Variants in CSMD1 observed in about 807,000 individuals in gnomAD.
CSMD1 encodes CUB and sushi domain-containing protein 1.
Under a neutral mutation model 417.5 loss-of-function variants are expected in CSMD1, and 213 were observed. That is an observed-to-expected ratio of 0.51 (90% CI 0.46 to 0.57). The LOEUF (loss-of-function observed/expected upper bound fraction) is 0.57, where lower values mean the gene tolerates loss of function less well. Among genes scored for constraint, CSMD1 ranks in the 20% least tolerant of loss-of-function variants. CSMD1 has a pLI of 0.00. For missense variants in CSMD1, 6,923 were observed against 4,529.7 expected, an observed-to-expected ratio of 1.53 and a Z score of -15.17; for synonymous variants, 2,862 against 1,736.8, an observed-to-expected ratio of 1.65 and a Z score of -16.11.
At chr8:4,986,646 T>C (rs1375655576) in intron 1 of CSMD1, among the ~76,000 whole-genome samples, 2 of 152,096 alleles carry the variant, frequency 1.3e-5, no homozygotes, top group Non-Finnish European at 2.9e-5. Context: ...AAGAGCATAA[T>C]TATCCCCTGA....
intron 3 of CSMD1, among the ~76,000 whole-genome samples, chr8:4,288,644 G>C (rs1194301094): frequency 1.3e-5 from 2 of 152,152 alleles, no homozygotes; most frequent in South Asian, 2.1e-4. Context: ...CACCAACTCT[G>C]CCGCCCTCCC....
At chr8:4,281,282 T>C (rs999494319) in intron 3 of CSMD1, among the ~76,000 whole-genome samples, 4 of 152,092 alleles carry the variant, frequency 2.6e-5, no homozygotes, top group Non-Finnish European at 4.4e-5. Flanking sequence ...TATGGGAAAA[T>C]AGAAGGTAGA....
intron 2 of CSMD1, among the ~76,000 whole-genome samples, chr8:4,435,504 A>G (rs1798100002): frequency 6.6e-6 from 1 of 152,342 alleles, no homozygotes; most frequent in African/African-American, 2.4e-5. Flanking sequence ...TGATTTGTCC[A>G]GGAAAACTGA....
rs1802369162 is a variant in CSMD1 at position 3,277,291 on chromosome 8, C to G, written c.4153+6853G>C. On this transcript the variant is annotated intron_variant, in intron 26 of 69. Coordinates refer to ENST00000635120, the MANE Select transcript of CSMD1 (RefSeq NM_033225.6). ...TGAGAAGATAGGGGAGAGTTCTAAG[C>G]AGAAGTGAGGCGTTGCCCACGTTGC... Among the ~76,000 whole-genome samples, 3 of 152,178 alleles carry G rather than the reference C, an allele frequency of 2.0e-5. No individual in the cohort carries two copies. The South Asian group carries it at 6.2e-4, about 32-fold the overall frequency.
At chr8:4,436,744 G>C (rs539730174) in intron 2 of CSMD1, among the ~76,000 whole-genome samples, 3 of 152,060 alleles carry the variant, frequency 2.0e-5, no homozygotes, top group East Asian at 1.9e-4. Flanking sequence ...TTGATTTTTA[G>C]ATCCCACAAA....
chr8:3,697,832 T>A (rs911349991), intron 7 of CSMD1, among the ~76,000 whole-genome samples: 5 of 152,196 alleles, frequency 3.3e-5, no homozygotes, highest in African/African-American at 1.2e-4. Flanking sequence ...TCTGCCATCA[T>A]CTCCAGGTTG....
intron 5 of CSMD1, among the ~76,000 whole-genome samples, chr8:3,772,898 T>A (rs1256939324): frequency 6.6e-6 from 1 of 151,942 alleles, no homozygotes; most frequent in Non-Finnish European, 1.5e-5. Context: ...ATATCACAGA[T>A]GAGGGCTGAT....
chr8:4,284,078 C>A (rs907708611), intron 3 of CSMD1, among the ~76,000 whole-genome samples: 2 of 151,820 alleles, frequency 1.3e-5, no homozygotes, highest in African/African-American at 2.4e-5. Flanking sequence ...ACTAAAAATA[C>A]AAAAATTAGC....
At chr8:4,074,419 T>C (rs1799716397) in intron 3 of CSMD1, among the ~76,000 whole-genome samples, 1 of 152,106 alleles carries the variant, frequency 6.6e-6, no homozygotes, top group Non-Finnish European at 1.5e-5. Flanking sequence ...TATATTTAAG[T>C]TTTTTGTACA....
chr8:4,445,560 T>C (rs1488559038), intron 2 of CSMD1, among the ~76,000 whole-genome samples: 1 of 152,180 alleles, frequency 6.6e-6, no homozygotes, highest in Non-Finnish European at 1.5e-5. Context: ...AAAAATGGCT[T>C]CAATGAATTG....
intron 5 of CSMD1, among the ~76,000 whole-genome samples, chr8:3,914,652 G>C (rs1563205942): frequency 6.6e-6 from 1 of 152,076 alleles, no homozygotes; most frequent in Non-Finnish European, 1.5e-5. Flanking sequence ...TCTCCACCTA[G>C]TCCACGTTAG....
In CSMD1 at chr8:4,203,108, C is replaced by T. The variant is rs184542659; in HGVS notation, c.416-171009G>A. On this transcript the variant is annotated intron_variant, in intron 3 of 69. Transcript: ENST00000635120. ...ACTTGCAGTTATCTGTGTGGGTTCC[C>T]TGTTGTCATAACATTTCTTAAAAGC... is the stretch of plus-strand genomic sequence containing the variant. 2.0e-5 allele frequency among the ~76,000 whole-genome samples: 3 copies of T among 152,294 alleles called. No individual in the cohort carries two copies. The East Asian group carries it at 5.8e-4, about 29-fold the overall frequency.
At position 4,673,493 on chromosome 8, in the gene CSMD1, C is replaced by A. The variant is rs564929909; in HGVS notation, c.86-35935G>T. On this transcript the variant is annotated intron_variant, in intron 1 of 69. Coordinates refer to ENST00000635120, the MANE Select transcript of CSMD1 (RefSeq NM_033225.6). ...TATCTAAAACCTCAGGAAATGATTG[C>A]TATGTGTTTTGTTGGAAGAGTTTCC... is the stretch of plus-strand genomic sequence containing the variant. Among the ~76,000 whole-genome samples the A allele has an allele frequency of 8.5e-5, 13 of 152,196 alleles. No homozygotes were observed. In the South Asian group the frequency reaches 2.5e-3, roughly 29 times the overall value.
intron 1 of CSMD1, among the ~76,000 whole-genome samples, chr8:4,878,202 C>T (rs1327576401): frequency 1.3e-5 from 2 of 151,598 alleles, no homozygotes; most frequent in African/African-American, 4.9e-5. Context: ...AAATCACTCA[C>T]AAGAAAAGAT....
Position 4,569,835 on chromosome 8 carries a change from T to C in CSMD1, c.302+67507A>G, listed in dbSNP as rs533450528. ...TATTTCCTTGAGCACTGATTTGTAG[T>C]TCTCCTTGAAGAAGTCCTTCACATC... On this transcript the variant is annotated intron_variant, in intron 2 of 69. Transcript: ENST00000635120. Among the ~76,000 whole-genome samples, 6 of 152,366 alleles carry C rather than the reference T, an allele frequency of 3.9e-5. 1 individual carries two copies. The highest frequency in any genetic ancestry group is 1.4e-4 in the African/African-American group (6 of 41,598).
chr8:3,381,677 AGTTT>A (rs1422601976), intron 18 of CSMD1, among the ~76,000 whole-genome samples: 1 of 152,186 alleles, frequency 6.6e-6, no homozygotes, highest in Non-Finnish European at 1.5e-5. Context: ...AGACACATGT[AGTTT>A]ATTTATTTTT....
chr8:3,665,844 G>A (rs1438904281), intron 7 of CSMD1, among the ~76,000 whole-genome samples: 2 of 152,064 alleles, frequency 1.3e-5, no homozygotes, highest in African/African-American at 4.8e-5. Context: ...TTAGGCTCCT[G>A]CATTTATGAC....
intron 3 of CSMD1, among the ~76,000 whole-genome samples, chr8:4,182,026 G>C (rs556383091): frequency 3.5e-5 from 4 of 114,190 alleles, no homozygotes; most frequent in Admixed American, 8.7e-5. Context: ...ATACACACCC[G>C]TGTGTGTGTG....
intron 26 of CSMD1, among the ~76,000 whole-genome samples, chr8:3,245,688 T>G (rs1394439851): frequency 6.6e-6 from 1 of 152,130 alleles, no homozygotes; most frequent in African/African-American, 2.4e-5. Context: ...TGTACAAAGT[T>G]TATTTTTTCT....
Sources: allele counts gnomAD v4.1 joint callset (sites outside exome capture counted in the v4.1 genomes callset), GRCh38; gene constraint gnomAD v4.1.1; transcripts MANE v1.5; gene names NCBI Gene and HGNC (gene_info 2026-07-23, HGNC 2026-07-21).